GNAS: variants seen among roughly 807,000 people sequenced by gnomAD.
The protein encoded by GNAS is protein ALEX.
A neutral mutation model predicts 54.5 loss-of-function variants in GNAS; 8 were observed. The observed-to-expected ratio is 0.15, with a 90% CI of 0.09 to 0.26. GNAS has a LOEUF of 0.26. Among genes scored for constraint, GNAS ranks in the 10% least tolerant of loss-of-function variants. The pLI, the probability that GNAS is intolerant of heterozygous loss-of-function variation, is 1.00. For synonymous variants in GNAS, 204 were observed against 191.4 expected, an observed-to-expected ratio of 1.07 and a Z score of -0.54; for missense variants, 170 against 529.8, an observed-to-expected ratio of 0.32 and a Z score of 6.67.
chr20:58,894,584 G>T (rs1461011148), intron 1 of GNAS, among the ~76,000 whole-genome samples: 1 of 152,194 alleles, frequency 6.6e-6, no homozygotes, highest in African/African-American at 2.4e-5. Context: ...TTATCTGTTG[G>T]AGAATGTGCA....
intron 1 of GNAS, chr20:58,842,297 CGT>C: frequency 1.0e-5 from 4 of 397,384 alleles, no homozygotes; most frequent in Non-Finnish European, 1.8e-5. Flanking sequence ...TCCTGGTGTG[CGT>C]GTCTCATTTT....
At chr20:58,899,068 C>T (rs2090352665) in intron 3 of GNAS, 83 bp downstream of exon 3, 7 of 1,054,352 alleles carry the variant, frequency 6.6e-6, no homozygotes, top group Middle Eastern at 2.0e-4. Flanking sequence ...GCCAGAGACC[C>T]GGGAAGAAAA....
In GNAS at chr20:58,841,673, G is replaced by C; in HGVS notation, c.43+787G>C. ...GGCGGTTAGGGGAAAGTACCTGGGGGAAAGGTAGAGGAGGTAAGGGGACCC... is the reference window on the plus strand; with the variant it reads ...GGCGGTTAGGGGAAAGTACCTGGGGCAAAGGTAGAGGAGGTAAGGGGACCC... On this transcript the variant is annotated intron_variant, in intron 1 of 12. Coordinates refer to the GNAS transcript ENST00000306090. The surrounding 1 kb of genome is among the most constrained non-coding windows in gnomAD (Gnocchi z 5.0). 3.4e-6 allele frequency: 4 copies of C among 1,169,754 alleles called. No individual in the cohort carries two copies. Among genetic ancestry groups the C allele is most frequent in the Non-Finnish European group, 2.1e-6 (2 of 948,268 alleles). The allele number at this position is 1,169,754 out of a possible 1,614,324, so 72.5% of individuals were successfully genotyped here.
At chr20:58,900,399 A>G (rs1601084798) in intron 3 of GNAS, 1 of 210,986 alleles carries the variant, frequency 4.7e-6, no homozygotes, top group East Asian at 7.3e-5. Flanking sequence ...AATTCTCTGC[A>G]TGTTTCAGCA....
intron 1 of GNAS, among the ~76,000 whole-genome samples, chr20:58,893,914 G>A (rs577344961): frequency 2.6e-5 from 4 of 152,280 alleles, no homozygotes; most frequent in African/African-American, 7.2e-5. Context: ...CACGCCTTGC[G>A]TCACGGGGGC....
At chr20:58,883,049 G>T (rs60865276) in intron 1 of GNAS, 48,108 of 151,892 alleles carry the variant, frequency 0.32, 9,670 homozygotes, top group East Asian at 0.67. Flanking sequence ...AAAAAAGTTC[G>T]TCATTAATCA....
At chr20:58,905,320 GAC>G in intron 5 of GNAS, 61 bp from the exon 6 acceptor site, 1 of 931,270 alleles carries the variant, frequency 1.1e-6, no homozygotes, top group African/African-American at 1.6e-5. Context: ...GGGTTTGAAT[GAC>G]AGTGTTGTTG....
chr20:58,890,308 T>C (rs1214863274), upstream of GNAS, among the ~76,000 whole-genome samples: 3 of 146,888 alleles, frequency 2.0e-5, no homozygotes, highest in Middle Eastern at 3.6e-3. Flanking sequence ...GAGGGCGCCG[T>C]CGGGGGCGCC....
In GNAS at chr20:58,858,089, C is replaced by G. The variant is rs75647438; in HGVS notation, c.43+17203C>G. ...CAGAGGTGACGTACCTCTTCTGGAC[C>G]TGAATTATTGATGGGGGACAGGGAG... On this transcript the variant is annotated intron_variant, in intron 1 of 12. Transcript: ENST00000306090. 3.1e-3 allele frequency among the ~76,000 whole-genome samples: 474 copies of G among 152,254 alleles called. 2 individuals carry two copies. The highest frequency in any genetic ancestry group is 0.011 in the African/African-American group (455 of 41,550).
intron 6 of GNAS, among the ~76,000 whole-genome samples, chr20:58,907,731 A>G (rs2091174208): frequency 6.6e-6 from 1 of 152,252 alleles, no homozygotes; most frequent in Non-Finnish European, 1.5e-5. Context: ...ACTCAGAGAA[A>G]AAGAGAACAA....
At position 58,853,225 on chromosome 20, in the gene GNAS, T is replaced by G; in HGVS notation, c.43+12339T>G. 1 of 1,506,456 alleles carries G rather than the reference T, an allele frequency of 6.6e-7. No individual in the cohort carries two copies. Among genetic ancestry groups the G allele is most frequent in the Non-Finnish European group, 8.9e-7 (1 of 1,122,734 alleles). 93.3% of individuals were successfully genotyped at this position (1,506,456 alleles called of 1,614,324 possible). A position where few individuals can be genotyped will look rare whatever the true frequency, so the allele number is the denominator to read the frequency against. On this transcript the variant is annotated intron_variant, in intron 1 of 12. Transcript: ENST00000306090. This position sits in a 1 kb window ranked among gnomAD's most constrained non-coding sequence, Gnocchi z 4.4. ...CCTAGTTCGGTTGGGTGCTCCATCT[T>G]ACGGAGCCCCAAACTTATTTTGAGA...
chr20:58,840,653 C>T (rs78850964), upstream of GNAS: 1 of 1,605,986 alleles, frequency 6.2e-7, no homozygotes, highest in South Asian at 1.1e-5. This position sits in a 1 kb window ranked among gnomAD's most constrained non-coding sequence, Gnocchi z 6.0. Flanking sequence ...GCCCAGCACT[C>T]AGGAGCCCCA....
At chr20:58,905,781 C>T (rs985513944) in intron 6 of GNAS, among the ~76,000 whole-genome samples, 1 of 152,056 alleles carries the variant, frequency 6.6e-6, no homozygotes, top group Non-Finnish European at 1.5e-5. Context: ...ATTGAATTGA[C>T]CCTAAGCATT....
chr20:58,903,847 C>T, intron 5 of GNAS, 56 bp downstream of exon 5: 3 of 1,594,062 alleles, frequency 1.9e-6, no homozygotes, highest in Non-Finnish European at 1.7e-6. Flanking sequence ...GCACAGTGTC[C>T]ATATAGGAAC....
At chr20:58,855,202 G>C (rs1315341581) in intron 1 of GNAS, 4 of 1,602,498 alleles carry the variant, frequency 2.5e-6, no homozygotes, top group African/African-American at 1.3e-5. Context: ...GAGAAGCGCA[G>C]ACAGATGCGC....
At chr20:58,879,706 AG>A (rs2088095710) in intron 1 of GNAS, among the ~76,000 whole-genome samples, 1 of 151,998 alleles carries the variant, frequency 6.6e-6, no homozygotes, top group South Asian at 2.1e-4. Context: ...GCTGCAGAGG[AG>A]GGGGGAAATG....
chr20:58,854,342 A>C, intron 1 of GNAS: 4 of 1,587,904 alleles, frequency 2.5e-6, no homozygotes, highest in Non-Finnish European at 3.4e-6. Context: ...AGGAAGCAGC[A>C]GAGATGGAAG....
Position 58,891,671 on chromosome 20 carries a change from C to A in GNAS, c.-56C>A, listed in dbSNP as rs2089352127. The A allele has an allele frequency of 2.1e-6, 2 of 972,988 alleles. No individual in the cohort carries two copies. Among genetic ancestry groups the A allele is most frequent in the East Asian group, 1.2e-4 (1 of 8,194 alleles). 60.3% of individuals were successfully genotyped at this position (972,988 alleles called of 1,614,324 possible). On this transcript the variant is annotated 5_prime_UTR_variant, in exon 1 of 13. Transcript: ENST00000371085. ...CCGGCCCTCCCGGCCCGCGTGAGGC[C>A]GCCCGCGCCCGCCGCCGCCGCAGCC...
At chr20:58,843,924 T>C (rs192010677) in intron 1 of GNAS, 10 of 151,974 alleles carry the variant, frequency 6.6e-5, no homozygotes, top group Non-Finnish European at 1.0e-4. Flanking sequence ...GAATTAGAAA[T>C]GTTACAGTTT....
Sources: gnomAD v4.1 joint callset for allele counts (sites outside exome capture counted in the v4.1 genomes callset) on GRCh38, gnomAD v4.1.1 for gene constraint, Gnocchi (gnomAD v3.1) non-coding constraint, MANE v1.5 for transcripts, NCBI Gene and HGNC (gene_info 2026-07-23, HGNC 2026-07-21) for gene names.